The following PHACTR2 variants were observed in gnomAD, a reference collection of about 807,000 sequenced individuals.
The protein encoded by PHACTR2 is phosphatase and actin regulator 2.
A neutral mutation model predicts 76.0 loss-of-function variants in PHACTR2; 30 were observed. The ratio of observed to expected loss-of-function variants is 0.39; its 90% CI spans 0.30 to 0.54. The LOEUF is 0.54. Among genes scored for constraint, PHACTR2 ranks in the 20% least tolerant of loss-of-function variants. The probability of loss-of-function intolerance (pLI) is 0.61; values close to 1 mark genes in which losing one functional copy is unlikely to be tolerated. For synonymous variants in PHACTR2, 292 were observed against 292.5 expected, an observed-to-expected ratio of 1.00 and a Z score of 0.02; for missense variants, 696 against 781.1, an observed-to-expected ratio of 0.89 and a Z score of 1.30.
rs759876376 is a variant in PHACTR2 at position 143,816,034 on chromosome 6, CA to C, written c.1923-7638del. Among the ~76,000 whole-genome samples the C allele has an allele frequency of 2.4e-4, 37 of 151,936 alleles. No homozygotes were observed. The highest frequency in any genetic ancestry group is 4.1e-4 in the Non-Finnish European group (28 of 68,000). On this transcript the variant is annotated intron_variant, in intron 12 of 12. Transcript: ENST00000440869. This position sits in a 1 kb window ranked among gnomAD's most constrained non-coding sequence, Gnocchi z 4.5. ...AGCTTTTCCCCCATTCCCTCCCTCT[CA>C]ACAGTATGAAAATAAGAAAAAATGT...
At chr6:143,814,595 C>CTTTTTTT (rs61652528) in intron 12 of PHACTR2, among the ~76,000 whole-genome samples, 4 of 108,418 alleles carry the variant, frequency 3.7e-5, no homozygotes, top group African/African-American at 1.5e-4. Context: ...GACATACACA[C>CTTTTTTT]TTTTTTTTTT....
intron 1 of PHACTR2, among the ~76,000 whole-genome samples, chr6:143,702,213 T>C (rs1309883458): frequency 1.4e-5 from 2 of 146,312 alleles, no homozygotes; most frequent in African/African-American, 5.0e-5. Flanking sequence ...GTTCAAGCGA[T>C]CCTCCTGCCT....
Position 143,550,597 on chromosome 6 carries a change from C to T in PHACTR2, c.217+13390C>T, listed in dbSNP as rs1024115905. 5.9e-5 allele frequency among the ~76,000 whole-genome samples: 9 copies of T among 152,030 alleles called. No individual in the cohort carries two copies. Among genetic ancestry groups the T allele is most frequent in the Middle Eastern group, 3.4e-3 (1 of 294 alleles). On this transcript the variant is annotated intron_variant, in intron 1 of 11. Coordinates refer to the PHACTR2 transcript ENST00000367584. The surrounding 1 kb of genome is among the most constrained non-coding windows in gnomAD (Gnocchi z 4.8). ...GAGAGCATGGCTTTAGAACTTTTAC[C>T]TACAAAAAATATTTTGCTTCAAGAG...
At position 143,627,565 on chromosome 6, in the gene PHACTR2, T is replaced by C. The variant is rs1361901990; in HGVS notation, c.13+19243T>C. ...AACTATTTTGAAGTGTCCAATTCAG[T>C]GGCATTCAGTACATTCACAATGTTG... On this transcript the variant is annotated intron_variant, in intron 1 of 11. Coordinates refer to the PHACTR2 transcript ENST00000305766. The surrounding 1 kb of genome is among the most constrained non-coding windows in gnomAD (Gnocchi z 4.3). 6.6e-6 allele frequency among the ~76,000 whole-genome samples: 1 copy of C among 151,758 alleles called. No individual in the cohort carries two copies. The highest frequency in any genetic ancestry group is 1.5e-5 in the Non-Finnish European group (1 of 67,948).
chr6:143,560,994 G>A (rs1201312176), intron 1 of PHACTR2, among the ~76,000 whole-genome samples: 1 of 151,148 alleles, frequency 6.6e-6, no homozygotes, highest in Non-Finnish European at 1.5e-5. Context: ...AACCAGCAAG[G>A]ACTCTGGGGG....
Position 143,809,576 on chromosome 6 carries a change from A to G in PHACTR2, c.1922+2443A>G, listed in dbSNP as rs949568237. Reference sequence around the variant, plus strand: ...TTCTAATTAAGCATTCAAGCAATACAAAATTCTATTAAGTATAAATGAAAA... The same window carrying G: ...TTCTAATTAAGCATTCAAGCAATACGAAATTCTATTAAGTATAAATGAAAA... On this transcript the variant is annotated intron_variant, in intron 12 of 12. Transcript: ENST00000440869. The surrounding 1 kb of genome is among the most constrained non-coding windows in gnomAD (Gnocchi z 4.2). Among the ~76,000 whole-genome samples the G allele has an allele frequency of 6.6e-6, 1 of 152,200 alleles. No homozygotes were observed. Among genetic ancestry groups the G allele is most frequent in the Non-Finnish European group, 1.5e-5 (1 of 68,036 alleles).
chr6:143,732,235 A>G (rs1778716502), intron 2 of PHACTR2, among the ~76,000 whole-genome samples: 1 of 152,228 alleles, frequency 6.6e-6, no homozygotes, highest in South Asian at 2.1e-4. Context: ...CACCACAATC[A>G]ATTTTAAACA....
chr6:143,784,510 C>G lies in PHACTR2; in HGVS notation c.1707+1230C>G, dbSNP rs545407555. Among the ~76,000 whole-genome samples the G allele has an allele frequency of 4.6e-5, 7 of 152,166 alleles. No individual in the cohort carries two copies. The highest frequency in any genetic ancestry group is 1.4e-4 in the African/African-American group (6 of 41,518). ...CCTGACCCACATTTTTGTGGGCTGG[C>G]CAGGGAGTCTTCAACAAAAGCATTC... On this transcript the variant is annotated intron_variant, in intron 10 of 12. Transcript: ENST00000440869. This position sits in a 1 kb window ranked among gnomAD's most constrained non-coding sequence, Gnocchi z 4.5.
intron 12 of PHACTR2, among the ~76,000 whole-genome samples, chr6:143,817,929 C>G (rs1480636532): frequency 6.6e-6 from 1 of 152,104 alleles, no homozygotes; most frequent in African/African-American, 2.4e-5. Context: ...TGTTCTATAG[C>G]ACTGTAGGGG....
Position 143,566,321 on chromosome 6 carries a change from G to A in PHACTR2, c.217+29114G>A, listed in dbSNP as rs573917563. 6.6e-5 allele frequency among the ~76,000 whole-genome samples: 10 copies of A among 150,976 alleles called. No individual in the cohort carries two copies. The East Asian group carries it at 2.0e-3, about 30-fold the overall frequency. ...TTTTGTATTTTTTTTTAGAGACAGG[G>A]TCTCACTCTGTTGCCAGGCTGGAGT... is the stretch of plus-strand genomic sequence containing the variant. On this transcript the variant is annotated intron_variant, in intron 1 of 11. Transcript: ENST00000367584.
rs1037965540 is a variant in PHACTR2, at chr6:143,602,640, G to C, written c.217+65433G>C. Among the ~76,000 whole-genome samples the C allele has an allele frequency of 6.6e-6, 1 of 152,228 alleles. No homozygotes were observed. Among genetic ancestry groups the C allele is most frequent in the Non-Finnish European group, 1.5e-5 (1 of 68,038 alleles). On this transcript the variant is annotated intron_variant, in intron 1 of 11. Coordinates refer to the PHACTR2 transcript ENST00000367584. The surrounding 1 kb of genome is among the most constrained non-coding windows in gnomAD (Gnocchi z 6.1). The stretch of plus-strand genomic sequence containing the variant: ...GTCAGCTAGCTTCTTGTGCCTAGCT[G>C]TGATTTACCTATTTAATATTTTATC...
intron 1 of PHACTR2, among the ~76,000 whole-genome samples, chr6:143,694,930 C>T (rs189490228): frequency 2.6e-5 from 4 of 152,272 alleles, no homozygotes; most frequent in Non-Finnish European, 4.4e-5. Context: ...ATCTTGTCAA[C>T]GTGAAGATAA....
chr6:143,567,084 T>A (rs1775374549), intron 1 of PHACTR2, among the ~76,000 whole-genome samples: 1 of 152,170 alleles, frequency 6.6e-6, no homozygotes, highest in South Asian at 2.1e-4. Flanking sequence ...GTCGCGCTCC[T>A]TTCTGTGTCT....
At chr6:143,792,892 C>T (rs1775726442) in intron 11 of PHACTR2, among the ~76,000 whole-genome samples, 1 of 152,206 alleles carries the variant, frequency 6.6e-6, no homozygotes, top group Admixed American at 6.5e-5. Flanking sequence ...AGCCTCACTT[C>T]CACTACGTTC....
Position 143,548,525 on chromosome 6 carries a change from C to G in PHACTR2, c.217+11318C>G, listed in dbSNP as rs1395064085. On this transcript the variant is annotated intron_variant, in intron 1 of 11. Transcript: ENST00000367584. This position sits in a 1 kb window ranked among gnomAD's most constrained non-coding sequence, Gnocchi z 4.5. ...TGTTAAAGCTAGCAGAGAGGGCTTCCCTTGGAATCCAATTCCACACACCAG... is the reference window on the plus strand; with the variant it reads ...TGTTAAAGCTAGCAGAGAGGGCTTCGCTTGGAATCCAATTCCACACACCAG... Among the ~76,000 whole-genome samples, 3 of 152,076 alleles carry G rather than the reference C, an allele frequency of 2.0e-5. No individual in the cohort carries two copies. Among genetic ancestry groups the G allele is most frequent in the African/African-American group, 7.2e-5 (3 of 41,436 alleles).
At chr6:143,691,718 C>T (rs1777648354) in intron 1 of PHACTR2, among the ~76,000 whole-genome samples, 3 of 152,194 alleles carry the variant, frequency 2.0e-5, no homozygotes, top group East Asian at 1.9e-4. Flanking sequence ...AATTACTTAA[C>T]CCAAAACCAA....
chr6:143,717,748 T>C (rs1243400103), intron 2 of PHACTR2, among the ~76,000 whole-genome samples: 1 of 152,078 alleles, frequency 6.6e-6, no homozygotes, highest in Non-Finnish European at 1.5e-5. Context: ...AATTTTTGTG[T>C]TTTTTGTAGA....
rs1774991008 is a variant in PHACTR2, at chr6:143,546,144, C to G, written c.217+8937C>G. 6.6e-6 allele frequency among the ~76,000 whole-genome samples: 1 copy of G among 152,150 alleles called. No homozygotes were observed. The highest frequency in any genetic ancestry group is 2.4e-5 in the African/African-American group (1 of 41,436). On this transcript the variant is annotated intron_variant, in intron 1 of 11. Transcript: ENST00000367584. This position sits in a 1 kb window ranked among gnomAD's most constrained non-coding sequence, Gnocchi z 4.9. ...TTTTAAAATACCATGCTGAGTGACT[C>G]ATTATCTTTGATCACACTTGCTGAA...
At chr6:143,564,776 C>A (rs552679715) in intron 1 of PHACTR2, among the ~76,000 whole-genome samples, 1 of 152,260 alleles carries the variant, frequency 6.6e-6, no homozygotes, top group South Asian at 2.1e-4. Context: ...ATCTCAATGG[C>A]AAAGTCACAA....
Sources: gnomAD v4.1 joint callset for allele counts (sites outside exome capture counted in the v4.1 genomes callset) on GRCh38, gnomAD v4.1.1 for gene constraint, Gnocchi (gnomAD v3.1) non-coding constraint, MANE v1.5 for transcripts, NCBI Gene and HGNC (gene_info 2026-07-23, HGNC 2026-07-21) for gene names.